The following CHRNA7 variants were observed in gnomAD, a reference collection of about 807,000 sequenced individuals.
The protein encoded by CHRNA7 is cholinergic receptor nicotinic alpha 7 subunit.
A neutral mutation model predicts 48.0 loss-of-function variants in CHRNA7; 17 were observed. That is an observed-to-expected ratio of 0.35 (90% CI 0.24 to 0.53). The LOEUF is 0.53. CHRNA7 is among the 20% of genes least tolerant of loss of function. The pLI, the probability that CHRNA7 is intolerant of heterozygous loss-of-function variation, is 0.92. For missense variants in CHRNA7, 155 were observed against 577.7 expected, an observed-to-expected ratio of 0.27 and a Z score of 7.50; for synonymous variants, 75 against 242.3, an observed-to-expected ratio of 0.31 and a Z score of 6.41.
At position 32,067,949 on chromosome 15, in the gene CHRNA7, A is replaced by C. The variant is rs550988550; in HGVS notation, c.196-33354A>C. 4.6e-5 allele frequency among the ~76,000 whole-genome samples: 7 copies of C among 152,338 alleles called. No individual in the cohort carries two copies. In the South Asian group the frequency reaches 1.5e-3, roughly 32 times the overall value. ...GAGAACATCTGCTTAACAAATTAGA[A>C]GGCAGTAGGGAAGGATTGGGGGAAG... is the stretch of plus-strand genomic sequence containing the variant. On this transcript the variant is annotated intron_variant, in intron 2 of 9. Coordinates refer to ENST00000306901, the MANE Select transcript of CHRNA7 (RefSeq NM_000746.6).
chr15:32,082,980 A>G (rs149129539), intron 2 of CHRNA7, among the ~76,000 whole-genome samples: 1 of 152,318 alleles, frequency 6.6e-6, no homozygotes, highest in Non-Finnish European at 1.5e-5. Flanking sequence ...TACTAAAAAT[A>G]CAAAAATCAG....
At chr15:32,053,536 C>T (rs1469213558) in intron 2 of CHRNA7, among the ~76,000 whole-genome samples, 1 of 152,016 alleles carries the variant, frequency 6.6e-6, no homozygotes, top group East Asian at 1.9e-4. Context: ...ATAGTATGTA[C>T]TTGGGCATAT....
rs543528898 is a variant in CHRNA7 at position 32,111,834 on chromosome 15, A to G, written c.285A>G (p.Pro95=). ...TACAGTGGAATGTGTCAGAATATCC[A>G]GGGGTGAAGACTGTTCGTTTCCCAG... The part of the protein sequence containing the change: ...HYLQWNVSEY[P]GVKTVRFPDG... Residue 95 remains proline, a synonymous_variant, in exon 4 of 10, where the codon CCA becomes CCG. Transcript: ENST00000306901. 1 of 1,613,938 alleles carries G rather than the reference A, an allele frequency of 6.2e-7. No individual in the cohort carries two copies. Among genetic ancestry groups the G allele is most frequent in the Non-Finnish European group, 8.5e-7 (1 of 1,179,774 alleles).
At chr15:32,101,248 T>G (rs2050565035) in intron 2 of CHRNA7, 55 bp from the exon 3 acceptor site, 3 of 1,565,702 alleles carry the variant, frequency 1.9e-6, no homozygotes, top group Admixed American at 3.8e-5. Context: ...ATTGTCTCAT[T>G]CTTTCTTTTG....
Position 32,138,738 on chromosome 15 carries a change from G to GTTTTGTTTTGTTTTGTTTTGTT in CHRNA7, c.351-15166_351-15145dup, listed in dbSNP as rs1202279882. ...GGCAGCCATTGACCTGTTATGTTTT[G>GTTTTGTTTTGTTTTGTTTTGTT]TTTTGTTTTGTTTTGTTTTGTTTTG... On this transcript the variant is annotated intron_variant, in intron 4 of 9. Transcript: ENST00000306901. Among the ~76,000 whole-genome samples the GTTTTGTTTTGTTTTGTTTTGTT allele has an allele frequency of 1.0e-4, 15 of 150,240 alleles. No individual in the cohort carries two copies. In the East Asian group the frequency reaches 2.9e-3, roughly 29 times the overall value.
chr15:32,037,436 A>G (rs1181478136), intron 2 of CHRNA7, among the ~76,000 whole-genome samples: 2 of 152,178 alleles, frequency 1.3e-5, no homozygotes, highest in East Asian at 1.9e-4. Context: ...TATAAACTTT[A>G]TAATTGCTTT....
At chr15:32,104,603 TCACTGCCGTACC>T (rs2050630766) in intron 3 of CHRNA7, among the ~76,000 whole-genome samples, 1 of 152,010 alleles carries the variant, frequency 6.6e-6, no homozygotes, top group African/African-American at 2.4e-5. Flanking sequence ...GTGCATTCGG[TCACTGCCGTACC>T]CACAGCCCCT....
At chr15:32,085,823 T>C (rs1229193220) in intron 2 of CHRNA7, among the ~76,000 whole-genome samples, 1 of 152,230 alleles carries the variant, frequency 6.6e-6, no homozygotes, top group African/African-American at 2.4e-5. Context: ...GATTCCAAAG[T>C]TGAAGTCCAT....
chr15:32,083,294 G>GCT (rs1328231169), intron 2 of CHRNA7, among the ~76,000 whole-genome samples: 4 of 152,228 alleles, frequency 2.6e-5, no homozygotes, highest in Non-Finnish European at 5.9e-5. Context: ...GTCCCCTCTT[G>GCT]CTCTCTCTCG....
chr15:32,030,840 T>A (rs1239814141), intron 1 of CHRNA7, 58 bp from the exon 2 acceptor site: 1 of 1,577,134 alleles, frequency 6.3e-7, no homozygotes, highest in East Asian at 2.3e-5. Context: ...CAGGAGGGAG[T>A]CGGGGGTACC....
chr15:32,126,790 T>C (rs1595477125), intron 4 of CHRNA7, among the ~76,000 whole-genome samples: 1 of 152,226 alleles, frequency 6.6e-6, no homozygotes, highest in Admixed American at 6.5e-5. Context: ...TATAGGGAGG[T>C]ACATTTTCAT....
At chr15:32,075,793 T>C (rs936286661) in intron 2 of CHRNA7, among the ~76,000 whole-genome samples, 1 of 151,964 alleles carries the variant, frequency 6.6e-6, no homozygotes, top group South Asian at 2.1e-4. Flanking sequence ...GCTTATATTA[T>C]TTTTTGAGTC....
chr15:32,110,511 G>C (rs769282579), intron 3 of CHRNA7, among the ~76,000 whole-genome samples: 1 of 152,190 alleles, frequency 6.6e-6, no homozygotes, highest in Non-Finnish European at 1.5e-5. Flanking sequence ...CCTCTCCTTT[G>C]ATGTCAGATT....
chr15:32,037,797 A>T (rs1902162718), intron 2 of CHRNA7, among the ~76,000 whole-genome samples: 2 of 148,806 alleles, frequency 1.3e-5, no homozygotes, highest in East Asian at 3.9e-4. Context: ...GCTCCTGGAG[A>T]TTTTTTTTTT....
chr15:32,154,816 C>T (rs1261585632), intron 5 of CHRNA7, among the ~76,000 whole-genome samples: 3 of 141,250 alleles, frequency 2.1e-5, no homozygotes, highest in African/African-American at 8.4e-5. Context: ...CTCACAACCA[C>T]TCACACACAG....
intron 4 of CHRNA7, among the ~76,000 whole-genome samples, chr15:32,125,559 A>G (rs1487534641): frequency 6.6e-6 from 1 of 152,138 alleles, no homozygotes; most frequent in Non-Finnish European, 1.5e-5. Flanking sequence ...AAGAGGGGAC[A>G]ATCGGAAAGA....
chr15:32,060,844 G>A (rs906180484), intron 2 of CHRNA7, among the ~76,000 whole-genome samples: 2 of 152,152 alleles, frequency 1.3e-5, no homozygotes, highest in Non-Finnish European at 2.9e-5. Flanking sequence ...GCGGCGGGAG[G>A]GCGTGTCTTC....
chr15:32,066,280 T>C (rs1022495538), intron 2 of CHRNA7, among the ~76,000 whole-genome samples: 4 of 140,260 alleles, frequency 2.9e-5, no homozygotes, highest in Non-Finnish European at 6.3e-5. Flanking sequence ...TTTCACATTA[T>C]AGTATTTTTT....
chr15:32,135,245 A>G (rs150669176), intron 4 of CHRNA7, among the ~76,000 whole-genome samples: 406 of 152,340 alleles, frequency 2.7e-3, no homozygotes, highest in African/African-American at 9.1e-3. Flanking sequence ...GAGAAATATT[A>G]AAAGATTATT....
Sources: allele counts gnomAD v4.1 joint callset (sites outside exome capture counted in the v4.1 genomes callset), GRCh38; gene constraint gnomAD v4.1.1; transcripts MANE v1.5; gene names NCBI Gene and HGNC (gene_info 2026-07-23, HGNC 2026-07-21).